Variants in SLC17A6 observed in about 807,000 individuals in gnomAD.
SLC17A6 encodes vesicular glutamate transporter 2.
In SLC17A6, 35 loss-of-function variants were observed where a neutral mutation model predicts 67.1. That is an observed-to-expected ratio of 0.52 (90% CI 0.40 to 0.69). SLC17A6 has a LOEUF of 0.69. SLC17A6 is among the 30% of genes least tolerant of loss of function. The pLI, the probability that SLC17A6 is intolerant of heterozygous loss-of-function variation, is 0.00. For missense variants in SLC17A6, 588 were observed against 723.9 expected, an observed-to-expected ratio of 0.81 and a Z score of 2.15; for synonymous variants, 285 against 252.3, an observed-to-expected ratio of 1.13 and a Z score of -1.23.
chr11:22,360,518 G>A (rs1050903190), intron 4 of SLC17A6, among the ~76,000 whole-genome samples: 6 of 138,918 alleles, frequency 4.3e-5, no homozygotes, highest in South Asian at 2.4e-4. Flanking sequence ...CAAAAAACCC[G>A]CTCTCCTTCC....
intron 8 of SLC17A6, among the ~76,000 whole-genome samples, chr11:22,370,697 T>C (rs1856165720): frequency 6.6e-6 from 1 of 152,168 alleles, no homozygotes. Flanking sequence ...TAACAAGTAT[T>C]TGTTGAACAC....
chr11:22,348,004 A>G (rs1042662735), intron 3 of SLC17A6, among the ~76,000 whole-genome samples: 13 of 152,188 alleles, frequency 8.5e-5, no homozygotes, highest in African/African-American at 3.1e-4. Flanking sequence ...GTTGTAGCAT[A>G]TAGTGAACCC....
intron 8 of SLC17A6, among the ~76,000 whole-genome samples, chr11:22,372,542 A>G (rs1856185421): frequency 6.6e-6 from 1 of 152,038 alleles, no homozygotes; most frequent in African/African-American, 2.4e-5. Flanking sequence ...GAGAATAGAC[A>G]TCCATTCCTT....
At chr11:22,346,600 C>A (rs1224478070) in intron 3 of SLC17A6, among the ~76,000 whole-genome samples, 2 of 151,732 alleles carry the variant, frequency 1.3e-5, no homozygotes, top group African/African-American at 4.8e-5. Context: ...AAATTCCTTA[C>A]AAAATCTTTA....
At position 22,343,324 on chromosome 11, in the gene SLC17A6, G is replaced by A; in HGVS notation, c.417G>A (p.Gln139=). 6.2e-7 allele frequency: 1 copy of A among 1,612,682 alleles called. No homozygotes were observed. Residue 139 remains glutamine, a synonymous_variant, in exon 3 of 12, where the codon CAG becomes CAA. Coordinates refer to ENST00000263160, the MANE Select transcript of SLC17A6 (RefSeq NM_020346.3). ...GSFFWGYIIT[Q]IPGGYIASRL... ...TCTTTTGGGGCTACATCATCACTCAGATTCCGGGAGGCTACATCGCGTCTC... is the reference window on the plus strand; with the variant it reads ...TCTTTTGGGGCTACATCATCACTCAAATTCCGGGAGGCTACATCGCGTCTC...
chr11:22,355,673 C>T (rs895683991), intron 3 of SLC17A6, among the ~76,000 whole-genome samples: 1 of 152,196 alleles, frequency 6.6e-6, no homozygotes, highest in Non-Finnish European at 1.5e-5. Context: ...GCATCCCACT[C>T]TAGATGTTCT....
chr11:22,341,807 C>G, intron 2 of SLC17A6, 27 bp downstream of exon 2: 1 of 1,610,796 alleles, frequency 6.2e-7, no homozygotes, highest in African/African-American at 1.3e-5. Flanking sequence ...CGCCCTGGCT[C>G]CTGCCCTTCG....
intron 6 of SLC17A6, 141 bp from the exon 7 acceptor site, chr11:22,365,406 A>G (rs983057082): frequency 1.0e-6 from 1 of 956,986 alleles, no homozygotes; most frequent in Non-Finnish European, 1.6e-6. Context: ...AGAAGAAAAG[A>G]TGGCTAACGT....
chr11:22,362,640 T>G, intron 5 of SLC17A6, 99 bp from the exon 6 acceptor site: 2 of 935,002 alleles, frequency 2.1e-6, no homozygotes, highest in Non-Finnish European at 3.4e-6. Flanking sequence ...TGTACCTGAG[T>G]GTTCCAGCGT....
intron 3 of SLC17A6, among the ~76,000 whole-genome samples, chr11:22,354,090 CT>C (rs35501356): frequency 3.4e-5 from 5 of 148,890 alleles, no homozygotes; most frequent in Admixed American, 6.7e-5. Flanking sequence ...TTTTTTTCTT[CT>C]TTTTTTTTTG....
In SLC17A6 at chr11:22,374,807, T is replaced by C. The variant is rs575886240; in HGVS notation, c.1094T>C (p.Ile365Thr). The change falls in exon 9 of 12, where the codon ATT (isoleucine) becomes ACT (threonine). Residue 365 changes from isoleucine (I) to threonine (T), a missense_variant. Coordinates refer to ENST00000263160, the MANE Select transcript of SLC17A6 (RefSeq NM_020346.3). ...TTAGTAATGACAATTATTGTGCCTA[T>C]TGGGGGACAAATTGCAGATTTTCTA... is the stretch of plus-strand genomic sequence containing the variant. The part of the protein sequence containing the change: ...PHLVMTIIVP[I>T]GGQIADFLRS... 4.3e-6 allele frequency: 7 copies of C among 1,613,594 alleles called. No homozygotes were observed. Among genetic ancestry groups the C allele is most frequent in the East Asian group, 2.2e-5 (1 of 44,814 alleles).
At chr11:22,375,945 A>C (rs1471003345) in intron 9 of SLC17A6, 37 bp from the exon 10 acceptor site, 1 of 1,533,498 alleles carries the variant, frequency 6.5e-7, no homozygotes, top group East Asian at 2.3e-5. Flanking sequence ...AAAATTTCAA[A>C]AATTTCTGAA....
intron 1 of SLC17A6, among the ~76,000 whole-genome samples, chr11:22,339,230 G>A (rs1855785031): frequency 6.9e-6 from 1 of 145,080 alleles, no homozygotes. Flanking sequence ...AAAGAGAGAG[G>A]TCTCAGCTTC....
intron 6 of SLC17A6, among the ~76,000 whole-genome samples, chr11:22,365,250 A>G (rs546104941): frequency 2.6e-5 from 4 of 152,294 alleles, no homozygotes; most frequent in African/African-American, 9.6e-5. Flanking sequence ...CTAACTGCTA[A>G]GTATTGTCGG....
rs535304759 is a variant in SLC17A6, at chr11:22,378,908, C to T, written c.*1168C>T. ...AGAAACATAATAAACAATCTTCACACGAAACCAAAAATAGCATACACCTAA... is the reference window on the plus strand; with the variant it reads ...AGAAACATAATAAACAATCTTCACATGAAACCAAAAATAGCATACACCTAA... On this transcript the variant is annotated 3_prime_UTR_variant, in exon 12 of 12. Transcript: ENST00000263160. 15 of 152,214 alleles carry T rather than the reference C, an allele frequency of 9.9e-5. No individual in the cohort carries two copies. Among genetic ancestry groups the T allele is most frequent in the African/African-American group, 2.7e-4 (11 of 41,498 alleles). The allele number at this position is 152,214 out of a possible 1,614,324, so 9.4% of individuals were successfully genotyped here. A position where few individuals can be genotyped will look rare whatever the true frequency, so the allele number is the denominator to read the frequency against.
intron 7 of SLC17A6, 74 bp from the exon 8 acceptor site, chr11:22,369,965 A>C: frequency 2.1e-6 from 3 of 1,433,540 alleles, no homozygotes; most frequent in Non-Finnish European, 2.9e-6. Flanking sequence ...CTGAAAATGC[A>C]AAGCACCTAT....
rs75772318 is a variant in SLC17A6 at position 22,363,745 on chromosome 11, C to T, written c.748+920C>T. ...GGATGGGTTTTTGGATCCATGAATG[C>T]CCTAAATTGCAAGTCATATAGGTAT... is the stretch of plus-strand genomic sequence containing the variant. On this transcript the variant is annotated intron_variant, in intron 6 of 11. Coordinates refer to ENST00000263160, the MANE Select transcript of SLC17A6 (RefSeq NM_020346.3). 6.4e-3 allele frequency among the ~76,000 whole-genome samples: 977 copies of T among 152,074 alleles called. 41 individuals are homozygous for T. In the East Asian group the frequency reaches 0.12, roughly 19 times the overall value.
At chr11:22,344,499 T>C (rs1474584436) in intron 3 of SLC17A6, among the ~76,000 whole-genome samples, 1 of 152,220 alleles carries the variant, frequency 6.6e-6, no homozygotes, top group African/African-American at 2.4e-5. Flanking sequence ...AAATTTATTT[T>C]AGGCTTAAGG....
At chr11:22,368,262 C>T (rs1011222611) in intron 7 of SLC17A6, among the ~76,000 whole-genome samples, 1 of 151,948 alleles carries the variant, frequency 6.6e-6, no homozygotes, top group Non-Finnish European at 1.5e-5. Context: ...AATATCTAAC[C>T]TATATTCAAA....
Sources: allele counts gnomAD v4.1 joint callset (sites outside exome capture counted in the v4.1 genomes callset), GRCh38; gene constraint gnomAD v4.1.1; transcripts MANE v1.5; gene names NCBI Gene and HGNC (gene_info 2026-07-23, HGNC 2026-07-21).